Variants in COL4A5 observed in about 807,000 individuals in gnomAD.
COL4A5 encodes collagen alpha-5(IV) chain.
Under a neutral mutation model 130.2 loss-of-function variants are expected in COL4A5, and 26 were observed. The ratio of observed to expected loss-of-function variants is 0.20; its 90% CI spans 0.15 to 0.28. COL4A5 has a LOEUF of 0.28. Among genes scored for constraint, COL4A5 ranks in the 10% least tolerant of loss-of-function variants. The probability of loss-of-function intolerance (pLI) is 1.00; values close to 1 mark genes in which losing one functional copy is unlikely to be tolerated. For missense variants in COL4A5, 1,131 were observed against 1,344.3 expected, an observed-to-expected ratio of 0.84 and a Z score of 2.48; for synonymous variants, 496 against 439.6, an observed-to-expected ratio of 1.13 and a Z score of -1.60.
intron 1 of COL4A5, among the ~76,000 whole-genome samples, chrX:108,526,632 CTTTCTT>C (rs1436738877): frequency 1.8e-5 from 1 of 55,428 alleles, no homozygotes; most frequent in African/African-American, 1.1e-4. Flanking sequence ...TTCTTTCTTT[CTTTCTT>C]TCTTTCTTTC....
intron 1 of COL4A5, among the ~76,000 whole-genome samples, chrX:108,533,663 A>G (rs1458984359): frequency 9.0e-6 from 1 of 111,254 alleles, no homozygotes; most frequent in Admixed American, 9.6e-5. Context: ...CACAGGCAAC[A>G]AAAACAAAAA....
chrX:108,455,001 A>T (rs1269690703), intron 1 of COL4A5, among the ~76,000 whole-genome samples: 2 of 111,893 alleles, frequency 1.8e-5, no homozygotes, highest in Non-Finnish European at 3.8e-5. Context: ...GTTGTGACAT[A>T]TGTATACACC....
At chrX:108,632,085 A>G (rs1487436911) in intron 36 of COL4A5, among the ~76,000 whole-genome samples, 1 of 111,530 alleles carries the variant, frequency 9.0e-6, no homozygotes, top group Non-Finnish European at 1.9e-5. Flanking sequence ...CGCTAGCAAG[A>G]CTAGTAAAGA....
At chrX:108,593,809 T>C (rs2066471288) in intron 21 of COL4A5, among the ~76,000 whole-genome samples, 1 of 112,365 alleles carries the variant, frequency 8.9e-6, no homozygotes, top group African/African-American at 3.2e-5. Flanking sequence ...TCTTAATTAC[T>C]GTGGCTTTAT....
intron 10 of COL4A5, among the ~76,000 whole-genome samples, chrX:108,576,667 A>G (rs2066154931): frequency 8.9e-6 from 1 of 111,911 alleles, no homozygotes; most frequent in Admixed American, 9.5e-5. Flanking sequence ...CTCATGTGCC[A>G]CTCTATCTCT....
At chrX:108,494,744 A>T (rs2050347725) in intron 1 of COL4A5, among the ~76,000 whole-genome samples, 1 of 111,555 alleles carries the variant, frequency 9.0e-6, no homozygotes. Flanking sequence ...CAGATTCTAT[A>T]CTGAAGAAAT....
chrX:108,493,242 T>A (rs756628940), intron 1 of COL4A5, among the ~76,000 whole-genome samples: 1 of 111,666 alleles, frequency 9.0e-6, no homozygotes, highest in African/African-American at 3.2e-5. Context: ...TGCATCTGTT[T>A]TAGAGATTTC....
Position 108,696,436 on chromosome X carries a change from T to A in COL4A5, c.*58T>A. On this transcript the variant is annotated 3_prime_UTR_variant, in exon 53 of 53. Coordinates refer to ENST00000328300, the MANE Select transcript of COL4A5 (RefSeq NM_033380.3). ...GTGATATATATATATATAAAATTCC[T>A]AGGATGCAGTGTCTCATTGTCCCCA... 1 of 946,736 alleles carries A rather than the reference T, an allele frequency of 1.1e-6. No individual in the cohort carries two copies. Among genetic ancestry groups the A allele is most frequent in the Non-Finnish European group, 1.5e-6 (1 of 670,257 alleles). 78.0% of individuals were successfully genotyped at this position (946,736 alleles called of 1,213,427 possible).
intron 49 of COL4A5, 75 bp downstream of exon 49, chrX:108,687,769 G>C (rs1603323570): frequency 1.0e-6 from 1 of 990,376 alleles, no homozygotes; most frequent in Non-Finnish European, 1.4e-6. Context: ...TTCTAGAGTA[G>C]CCTTGGCCAA....
At chrX:108,627,246 TA>T in intron 36 of COL4A5, 1 of 584,387 alleles carries the variant, frequency 1.7e-6, no homozygotes, top group Non-Finnish European at 2.1e-6. Flanking sequence ...ATGATTTTAT[TA>T]AAAAATAATA....
At chrX:108,522,114 T>C (rs1208595058) in intron 1 of COL4A5, among the ~76,000 whole-genome samples, 1 of 111,375 alleles carries the variant, frequency 9.0e-6, no homozygotes, top group Non-Finnish European at 1.9e-5. Flanking sequence ...TCAAGGTTCA[T>C]CCATGCTGTA....
chrX:108,461,550 T>C (rs1340668792), intron 1 of COL4A5, among the ~76,000 whole-genome samples: 1 of 112,057 alleles, frequency 8.9e-6, no homozygotes, highest in Non-Finnish European at 1.9e-5. Flanking sequence ...TCCCTACATG[T>C]CTACTTCTTC....
intron 1 of COL4A5, among the ~76,000 whole-genome samples, chrX:108,518,452 G>T (rs994918991): frequency 7.2e-5 from 8 of 110,896 alleles, no homozygotes; most frequent in Non-Finnish European, 1.1e-4. Flanking sequence ...TAGCTCCGTT[G>T]TCTGTTAGCT....
chrX:108,668,543 G>T (rs983361585), intron 41 of COL4A5, 39 bp downstream of exon 41: 6 of 1,046,231 alleles, frequency 5.7e-6, no homozygotes, highest in Non-Finnish European at 7.6e-6. Flanking sequence ...CTATTTATTA[G>T]TCCATGTATT....
chrX:108,569,338 A>C (rs772026782), intron 6 of COL4A5, among the ~76,000 whole-genome samples: 2 of 112,358 alleles, frequency 1.8e-5, no homozygotes, highest in Admixed American at 1.9e-4. Context: ...CTTCTTCATC[A>C]GCAAAGATGA....
intron 36 of COL4A5, among the ~76,000 whole-genome samples, chrX:108,642,197 A>G (rs760817912): frequency 9.1e-6 from 1 of 110,384 alleles, no homozygotes; most frequent in East Asian, 2.9e-4. Context: ...TTGATCTGGG[A>G]ACCTCACCTC....
At chrX:108,638,468 AATG>A (rs988027456) in intron 36 of COL4A5, among the ~76,000 whole-genome samples, 7 of 111,996 alleles carry the variant, frequency 6.3e-5, no homozygotes, top group African/African-American at 2.3e-4. Context: ...CACAGCTAAC[AATG>A]GTAAAAGTCT....
chrX:108,583,826 A>G (rs1008701845), intron 17 of COL4A5, among the ~76,000 whole-genome samples: 7 of 110,951 alleles, frequency 6.3e-5, no homozygotes, highest in African/African-American at 2.3e-4. Context: ...GGCCAGTAGT[A>G]GAGTAACACT....
chrX:108,586,042 G>C (rs921747157), intron 18 of COL4A5, among the ~76,000 whole-genome samples: 1 of 111,833 alleles, frequency 8.9e-6, no homozygotes, highest in African/African-American at 3.2e-5. Flanking sequence ...ATTGTAAGAC[G>C]TAGTAGGAGA....
Sources: gnomAD v4.1 joint callset for allele counts (sites outside exome capture counted in the v4.1 genomes callset) on GRCh38, gnomAD v4.1.1 for gene constraint, MANE v1.5 for transcripts, NCBI Gene and HGNC (gene_info 2026-07-23, HGNC 2026-07-21) for gene names.